The following STARD13 variants were observed in gnomAD, a reference collection of about 807,000 sequenced individuals.
STARD13 encodes StAR related lipid transfer domain containing 13.
STARD13 carries 62 observed loss-of-function variants against 106.4 expected under a neutral mutation model. The ratio of observed to expected loss-of-function variants is 0.58; its 90% CI spans 0.48 to 0.72. The LOEUF (loss-of-function observed/expected upper bound fraction) is 0.72, where lower values mean the gene tolerates loss of function less well. STARD13 is among the 30% of genes least tolerant of loss of function. STARD13 has a pLI of 0.00. For synonymous variants in STARD13, 565 were observed against 553.0 expected (o/e 1.02, Z -0.31); for missense variants, 1,387 against 1,424.0 (o/e 0.97, Z 0.42).
chr13:33,588,164 T>C, the STARD13 span, among the ~76,000 whole-genome samples: 3 of 152,186 alleles, frequency 2.0e-5, no homozygotes, highest in Non-Finnish European at 4.4e-5. Flanking sequence ...ATTCCAGGCT[T>C]GTATCTCATT....
chr13:33,624,610 A>G, the STARD13 span, among the ~76,000 whole-genome samples: 2 of 152,250 alleles, frequency 1.3e-5, no homozygotes. Flanking sequence ...ACATTTATGA[A>G]AGAACAACGG....
At chr13:33,117,563 G>A in intron 8 of STARD13, 1 of 941,058 alleles carries the variant, frequency 1.1e-6, no homozygotes, top group Non-Finnish European at 1.3e-6. Flanking sequence ...ATATAAATAA[G>A]TTTATTTAAG....
At chr13:33,646,096 C>T in the STARD13 span, among the ~76,000 whole-genome samples, 1 of 152,092 alleles carries the variant, frequency 6.6e-6, no homozygotes, top group East Asian at 1.9e-4. Context: ...TGGTTAAGTC[C>T]AATTGCAAGA....
chr13:33,170,894 T>C (rs553082536), intron 1 of STARD13, among the ~76,000 whole-genome samples: 90 of 152,262 alleles, frequency 5.9e-4, no homozygotes, highest in African/African-American at 2.1e-3. Flanking sequence ...GCCCATCCAA[T>C]TGAGGGGGGA....
At chr13:33,515,298 C>T in the STARD13 span, among the ~76,000 whole-genome samples, 1 of 152,176 alleles carries the variant, frequency 6.6e-6, no homozygotes, top group South Asian at 2.1e-4. Context: ...CACTGATTTA[C>T]AAGATATGCT....
chr13:33,510,808 T>C, the STARD13 span, among the ~76,000 whole-genome samples: 2 of 152,174 alleles, frequency 1.3e-5, no homozygotes, highest in South Asian at 2.1e-4. Flanking sequence ...AATCTAGTCA[T>C]ATCTAAAGCT....
chr13:33,675,275 A>G, the STARD13 span, among the ~76,000 whole-genome samples: 1 of 152,212 alleles, frequency 6.6e-6, no homozygotes, highest in Non-Finnish European at 1.5e-5. Context: ...CTTAGAGTGA[A>G]TGAGCACCTA....
At chr13:33,438,018 C>T in the STARD13 span, among the ~76,000 whole-genome samples, 2 of 152,190 alleles carry the variant, frequency 1.3e-5, no homozygotes, top group Admixed American at 1.3e-4. Context: ...ACTTCAGAGC[C>T]TCCATGGCTG....
upstream of STARD13, among the ~76,000 whole-genome samples, chr13:33,290,252 G>C (rs1411938415): frequency 1.3e-5 from 2 of 152,104 alleles, no homozygotes; most frequent in Non-Finnish European, 2.9e-5. Flanking sequence ...CTGCCAACTG[G>C]GAAAATGTTT....
intron 1 of STARD13, among the ~76,000 whole-genome samples, chr13:33,199,497 A>G (rs1566068489): frequency 6.6e-6 from 1 of 152,248 alleles, no homozygotes; most frequent in Non-Finnish European, 1.5e-5. Flanking sequence ...AGCAAAACCG[A>G]AAAGAAACAG....
intron 3 of STARD13, among the ~76,000 whole-genome samples, chr13:33,164,788 T>C (rs1274689948): frequency 6.6e-6 from 1 of 152,232 alleles, no homozygotes; most frequent in East Asian, 1.9e-4. Flanking sequence ...TTACACTATC[T>C]ATCACAAACT....
chr13:33,647,389 C>T, the STARD13 span, among the ~76,000 whole-genome samples: 1 of 152,172 alleles, frequency 6.6e-6, no homozygotes, highest in African/African-American at 2.4e-5. Context: ...AAGAAAACAG[C>T]TTCCACTGTG....
the STARD13 span, among the ~76,000 whole-genome samples, chr13:33,580,855 C>G: frequency 1.3e-5 from 2 of 152,064 alleles, no homozygotes; most frequent in Non-Finnish European, 2.9e-5. Context: ...ATTTGTTTAT[C>G]TCTCCCAGGA....
the STARD13 span, among the ~76,000 whole-genome samples, chr13:33,419,232 G>T: frequency 2.0e-5 from 3 of 152,298 alleles, no homozygotes; most frequent in South Asian, 6.2e-4. Flanking sequence ...CAGGTTAGAT[G>T]AATGGGTAAC....
chr13:33,253,460 T>TATCCAC (rs1890187140), intron 1 of STARD13, among the ~76,000 whole-genome samples: 1 of 152,212 alleles, frequency 6.6e-6, no homozygotes. Context: ...AGAACACAAT[T>TATCCAC]ATCCACACAG....
At chr13:33,306,275 C>G (rs114704734) in intron 1 of STARD13, among the ~76,000 whole-genome samples, 3 of 152,052 alleles carry the variant, frequency 2.0e-5, no homozygotes, top group Admixed American at 6.6e-5. Context: ...ACTAGCTATA[C>G]GCAGAAAATT....
chr13:33,438,923 T>C, the STARD13 span, among the ~76,000 whole-genome samples: 1 of 152,180 alleles, frequency 6.6e-6, no homozygotes. Context: ...TACTTCAAAA[T>C]TGGGCTTTAA....
At chr13:33,486,263 G>A in the STARD13 span, among the ~76,000 whole-genome samples, 4 of 152,100 alleles carry the variant, frequency 2.6e-5, no homozygotes, top group Non-Finnish European at 4.4e-5. Flanking sequence ...AAGTGGGACC[G>A]AGAAGAGGGC....
chr13:33,243,727 C>T (rs1448185970), intron 1 of STARD13, among the ~76,000 whole-genome samples: 1 of 152,094 alleles, frequency 6.6e-6, no homozygotes, highest in African/African-American at 2.4e-5. Flanking sequence ...TTTCTCACAA[C>T]ATTTTGTTTC....
Sources: allele counts gnomAD v4.1 joint callset (sites outside exome capture counted in the v4.1 genomes callset), GRCh38; gene constraint gnomAD v4.1.1; transcripts MANE v1.5; gene names NCBI Gene and HGNC (gene_info 2026-07-23, HGNC 2026-07-21).